SPATA16: variants seen among roughly 807,000 people sequenced by gnomAD.
SPATA16 encodes spermatogenesis associated 16, also known as spermatogenesis-associated protein 16.
A neutral mutation model predicts 63.3 loss-of-function variants in SPATA16; 36 were observed. The observed-to-expected ratio is 0.57, with a 90% CI of 0.44 to 0.75. SPATA16 has a LOEUF of 0.75. Among genes scored for constraint, SPATA16 ranks in the 30% least tolerant of loss-of-function variants. The pLI is 0.00. For synonymous variants in SPATA16, 203 were observed against 216.7 expected (o/e 0.94, Z 0.56); for missense variants, 646 against 679.3 (o/e 0.95, Z 0.54).
At chr3:173,048,865 A>G in intron 3 of SPATA16, 84 bp downstream of exon 3, 1 of 1,504,940 alleles carries the variant, frequency 6.6e-7, no homozygotes, top group Non-Finnish European at 9.2e-7. Flanking sequence ...TTGAAATAAG[A>G]TGGAAGGTGA....
At chr3:172,952,511 AG>A (rs1476984473) in intron 6 of SPATA16, among the ~76,000 whole-genome samples, 1 of 152,044 alleles carries the variant, frequency 6.6e-6, no homozygotes, top group Non-Finnish European at 1.5e-5. Context: ...TTTACATAGG[AG>A]GGCTTTATGG....
chr3:173,129,012 CT>C (rs1738301593), intron 1 of SPATA16, among the ~76,000 whole-genome samples: 1 of 152,214 alleles, frequency 6.6e-6, no homozygotes, highest in Admixed American at 6.5e-5. Context: ...TAAAGAAACA[CT>C]TTAAAGTCTA....
chr3:173,104,427 T>C (rs1737572422), intron 2 of SPATA16, among the ~76,000 whole-genome samples: 1 of 152,204 alleles, frequency 6.6e-6, no homozygotes, highest in Non-Finnish European at 1.5e-5. Flanking sequence ...AAAAAAGGTT[T>C]AGTTGGCTTA....
At chr3:172,895,741 C>T (rs1259639986) in intron 10 of SPATA16, among the ~76,000 whole-genome samples, 2 of 152,066 alleles carry the variant, frequency 1.3e-5, no homozygotes, top group Admixed American at 6.5e-5. Context: ...GTTGTTGTAT[C>T]AATAGTTTAT....
intron 3 of SPATA16, among the ~76,000 whole-genome samples, chr3:173,045,257 G>A (rs747898563): frequency 1.3e-5 from 2 of 152,040 alleles, no homozygotes; most frequent in Non-Finnish European, 2.9e-5. Flanking sequence ...TGGTGAGACT[G>A]TAGTTTAACT....
intron 4 of SPATA16, among the ~76,000 whole-genome samples, chr3:172,993,270 G>T (rs895485408): frequency 6.6e-6 from 1 of 151,678 alleles, no homozygotes; most frequent in Non-Finnish European, 1.5e-5. Flanking sequence ...ATTCAATAAG[G>T]TTAAGCTCAC....
At chr3:172,900,874 C>A (rs1732114202) in intron 10 of SPATA16, among the ~76,000 whole-genome samples, 1 of 151,980 alleles carries the variant, frequency 6.6e-6, no homozygotes, top group East Asian at 1.9e-4. Flanking sequence ...AACTCCTGAC[C>A]TCATGATCTG....
At chr3:173,000,827 A>G (rs1376510351) in intron 4 of SPATA16, among the ~76,000 whole-genome samples, 1 of 151,966 alleles carries the variant, frequency 6.6e-6, no homozygotes, top group Admixed American at 6.6e-5. Flanking sequence ...TGAGCTCATC[A>G]GAGACACTCT....
chr3:173,137,675 A>G (rs1738583139), intron 1 of SPATA16, among the ~76,000 whole-genome samples: 1 of 152,184 alleles, frequency 6.6e-6, no homozygotes, highest in African/African-American at 2.4e-5. Context: ...ATCAGTAAAT[A>G]TAAAGGGTGA....
chr3:172,923,434 T>TTAGC (rs1290415557), intron 8 of SPATA16, among the ~76,000 whole-genome samples: 3 of 152,214 alleles, frequency 2.0e-5, no homozygotes, highest in African/African-American at 7.2e-5. Context: ...GATGACCCTC[T>TTAGC]TAGCTCCCCT....
intron 7 of SPATA16, 145 bp from the exon 8 acceptor site, chr3:172,924,462 A>G (rs2109577109): frequency 1.6e-6 from 1 of 630,864 alleles, no homozygotes; most frequent in Non-Finnish European, 2.8e-6. Context: ...CCTAGACCAT[A>G]TGTATAACAA....
At chr3:173,094,728 G>A (rs1051678568) in intron 2 of SPATA16, among the ~76,000 whole-genome samples, 1 of 138,314 alleles carries the variant, frequency 7.2e-6, no homozygotes, top group African/African-American at 2.7e-5. Flanking sequence ...TTTCCATGAA[G>A]TGAAGGTTGG....
intron 2 of SPATA16, among the ~76,000 whole-genome samples, chr3:173,108,509 G>A (rs1456622107): frequency 3.3e-5 from 5 of 152,018 alleles, no homozygotes; most frequent in African/African-American, 1.2e-4. Context: ...AGTCAACCTG[G>A]GATTGTAAAA....
intron 2 of SPATA16, among the ~76,000 whole-genome samples, chr3:173,105,810 T>TTCCG (rs1327941540): frequency 6.9e-6 from 1 of 145,444 alleles, no homozygotes; most frequent in African/African-American, 2.5e-5. Flanking sequence ...CCTTCCTCCC[T>TTCCG]TCCTTCCTTC....
chr3:172,927,450 A>G (rs1242346832), intron 6 of SPATA16, among the ~76,000 whole-genome samples: 1 of 152,216 alleles, frequency 6.6e-6, no homozygotes, highest in Non-Finnish European at 1.5e-5. Flanking sequence ...TCCCAAACAT[A>G]TGTTAGTTTT....
rs556877669 is a variant in SPATA16 at position 173,037,656 on chromosome 3, G to A, written c.758+11293C>T. Among the ~76,000 whole-genome samples the A allele has an allele frequency of 2.1e-3, 319 of 152,192 alleles. 1 individual carries two copies. The highest frequency in any genetic ancestry group is 7.4e-3 in the African/African-American group (308 of 41,552). ...AGGAAGAGTCATAAGAAAGGTGTATGTCACATCTATAACCTGTGAGCAAAG... is the reference window on the plus strand; with the variant it reads ...AGGAAGAGTCATAAGAAAGGTGTATATCACATCTATAACCTGTGAGCAAAG... On this transcript the variant is annotated intron_variant, in intron 3 of 10. Coordinates refer to ENST00000351008, the MANE Select transcript of SPATA16 (RefSeq NM_031955.6).
chr3:173,137,467 G>C (rs1441397874), intron 1 of SPATA16, among the ~76,000 whole-genome samples: 1 of 152,124 alleles, frequency 6.6e-6, no homozygotes, highest in Non-Finnish European at 1.5e-5. Flanking sequence ...GTCACAGAAA[G>C]GTCCATGGAA....
rs564441948 is a variant in SPATA16, at chr3:173,105,022, T to A, written c.612+12098A>T. 6.6e-5 allele frequency among the ~76,000 whole-genome samples: 10 copies of A among 152,338 alleles called. No homozygotes were observed. The South Asian group carries it at 1.0e-3, about 16-fold the overall frequency. ...AAGTTGGCTTTGTTCAGAAAGGCTG[T>A]GCCCTGCAAGACCAGTTTTCCCTGG... On this transcript the variant is annotated intron_variant, in intron 2 of 10. Coordinates refer to ENST00000351008, the MANE Select transcript of SPATA16 (RefSeq NM_031955.6).
chr3:172,977,602 G>A (rs1396364378), intron 4 of SPATA16, among the ~76,000 whole-genome samples: 1 of 152,134 alleles, frequency 6.6e-6, no homozygotes, highest in Non-Finnish European at 1.5e-5. Context: ...TTAATGTCTA[G>A]TGTGTAGACT....
Sources: gnomAD v4.1 joint callset for allele counts (sites outside exome capture counted in the v4.1 genomes callset) on GRCh38, gnomAD v4.1.1 for gene constraint, MANE v1.5 for transcripts, NCBI Gene and HGNC (gene_info 2026-07-23, HGNC 2026-07-21) for gene names.